Variants in IRF4 observed in about 807,000 individuals in gnomAD.
The protein encoded by IRF4 is interferon regulatory factor 4, also known as lymphocyte-specific interferon regulatory factor.
Under a neutral mutation model 55.5 loss-of-function variants are expected in IRF4, and 13 were observed. That is an observed-to-expected ratio of 0.23 (90% CI 0.15 to 0.37). IRF4 has a LOEUF of 0.37. Among genes scored for constraint, IRF4 ranks in the 10% least tolerant of loss-of-function variants. The pLI is 1.00. For missense variants in IRF4, 397 were observed against 593.8 expected (o/e 0.67, Z 3.44); for synonymous variants, 249 against 240.7 (o/e 1.03, Z -0.32).
chr6:395,114 G>A, intron 3 of IRF4, 107 bp downstream of exon 3: 1 of 854,400 alleles, frequency 1.2e-6, no homozygotes, highest in East Asian at 2.7e-5. Context: ...TGTATTGCCT[G>A]CCTGCCTGCC....
rs1761653854 is a variant in IRF4, at chr6:410,001, T to TA, written c.*2407dup. On this transcript the variant is annotated 3_prime_UTR_variant, in exon 9 of 9. Coordinates refer to ENST00000380956, the MANE Select transcript of IRF4 (RefSeq NM_002460.4). ...TACATCTATGTGTATGTTGACTTTT[T>TA]AAAATTCTGAGTGATCCAGGGTATG... 1 of 228,662 alleles carries TA rather than the reference T, an allele frequency of 4.4e-6. No individual in the cohort carries two copies. The highest frequency in any genetic ancestry group is 8.7e-6 in the Non-Finnish European group (1 of 115,140). 14.2% of individuals were successfully genotyped at this position (228,662 alleles called of 1,614,324 possible).
At position 410,728 on chromosome 6, in the gene IRF4, A is replaced by G. The variant is rs993777617; in HGVS notation, c.*3130A>G. ...TCAGATCCAGTGTAAACTTCCGTTC[A>G]TTGCTCTCCAGTCACATGCCCCCAC... On this transcript the variant is annotated 3_prime_UTR_variant, in exon 9 of 9. Transcript: ENST00000380956. The G allele has an allele frequency of 8.6e-6, 2 of 231,602 alleles. No individual in the cohort carries two copies. Among genetic ancestry groups the G allele is most frequent in the African/African-American group, 4.4e-5 (2 of 45,238 alleles). 14.3% of individuals were successfully genotyped at this position (231,602 alleles called of 1,614,324 possible). A position where few individuals can be genotyped will look rare whatever the true frequency, so the allele number is the denominator to read the frequency against.
At position 407,703 on chromosome 6, in the gene IRF4, A is replaced by G. The variant is rs1474886489; in HGVS notation, c.*105A>G. The G allele has an allele frequency of 1.5e-5, 16 of 1,063,072 alleles. No homozygotes were observed. The highest frequency in any genetic ancestry group is 2.0e-5 in the Non-Finnish European group (15 of 743,498). 65.9% of individuals were successfully genotyped at this position (1,063,072 alleles called of 1,614,324 possible). A position where few individuals can be genotyped will look rare whatever the true frequency, so the allele number is the denominator to read the frequency against. On this transcript the variant is annotated 3_prime_UTR_variant, in exon 9 of 9. Coordinates refer to ENST00000380956, the MANE Select transcript of IRF4 (RefSeq NM_002460.4). ...TCCCAGGCTGGAGTGCAGTGACACA[A>G]TCTCAGCTCACTGTGACCTCCGCCT...
intron 7 of IRF4, among the ~76,000 whole-genome samples, chr6:402,439 G>A (rs1454540806): frequency 5.9e-5 from 9 of 151,876 alleles, no homozygotes; most frequent in South Asian, 2.1e-4. Context: ...GGAGCCTCCC[G>A]CGTGGGAGGG....
Position 393,139 on chromosome 6 carries a change from A to AC in IRF4, c.-13dup. The AC allele has an allele frequency of 3.2e-6, 5 of 1,546,102 alleles. No homozygotes were observed. Among genetic ancestry groups the AC allele is most frequent in the Non-Finnish European group, 4.4e-6 (5 of 1,144,590 alleles). On this transcript the variant is annotated 5_prime_UTR_variant, in exon 2 of 9. Transcript: ENST00000380956. This position sits in a 1 kb window ranked among gnomAD's most constrained non-coding sequence, Gnocchi z 5.4. ...CGGAGGACCCCGGGCGCGGGCGCGG[A>AC]CGGCACGCGGGGCATGAACCTGGAG...
In IRF4 at chr6:398,215, A is replaced by G. The variant is rs963898067; in HGVS notation, c.638-613A>G. ...CTGCTCTGGCTCTATGGAATTAGTA[A>G]CCATGGGAAAGAGGCAATGCTTAGA... On this transcript the variant is annotated intron_variant, in intron 5 of 8. Transcript: ENST00000380956. 3.3e-5 allele frequency among the ~76,000 whole-genome samples: 5 copies of G among 152,238 alleles called. No individual in the cohort carries two copies. In the East Asian group the frequency reaches 9.6e-4, roughly 29 times the overall value.
chr6:403,867 A>G (rs967943896), intron 7 of IRF4, among the ~76,000 whole-genome samples: 14 of 152,088 alleles, frequency 9.2e-5, no homozygotes, highest in Admixed American at 9.2e-4. Context: ...CGCCATTCTG[A>G]TTAGCCTGTG....
At chr6:404,632 A>G in intron 7 of IRF4, among the ~76,000 whole-genome samples, 1 of 152,262 alleles carries the variant, frequency 6.6e-6, no homozygotes, top group Admixed American at 6.5e-5. Flanking sequence ...CTGATTTTTT[A>G]AATGAAAACT....
At position 393,031 on chromosome 6, in the gene IRF4, A is replaced by G. The variant is rs1243116882; in HGVS notation, c.-55-67A>G. On this transcript the variant is annotated intron_variant, in intron 1 of 8. Transcript: ENST00000380956. This position sits in a 1 kb window ranked among gnomAD's most constrained non-coding sequence, Gnocchi z 5.4. The stretch of plus-strand genomic sequence containing the variant: ...TCCGGGGCCTCGTGGTCACTGGCGC[A>G]GGGGATCGGGGCGGGGTGCCCGGAG... 2 of 888,794 alleles carry G rather than the reference A, an allele frequency of 2.3e-6. No homozygotes were observed. Among genetic ancestry groups the G allele is most frequent in the Admixed American group, 2.6e-5 (1 of 37,894 alleles). The allele number at this position is 888,794 out of a possible 1,614,324, so 55.1% of individuals were successfully genotyped here.
Position 410,027 on chromosome 6 carries a change from A to AC in IRF4, c.*2431dup, listed in dbSNP as rs1474606703. The AC allele has an allele frequency of 1.3e-5, 3 of 228,024 alleles. No homozygotes were observed. Among genetic ancestry groups the AC allele is most frequent in the Non-Finnish European group, 2.6e-5 (3 of 114,778 alleles). The allele number at this position is 228,024 out of a possible 1,614,324, so 14.1% of individuals were successfully genotyped here. On this transcript the variant is annotated 3_prime_UTR_variant, in exon 9 of 9. Coordinates refer to ENST00000380956, the MANE Select transcript of IRF4 (RefSeq NM_002460.4). The stretch of plus-strand genomic sequence containing the variant: ...AAAATTCTGAGTGATCCAGGGTATG[A>AC]CCTAGGGAATGAACTAGCTATGAAA...
chr6:401,386 TG>T, intron 6 of IRF4, 37 bp from the exon 7 acceptor site: 1 of 1,529,414 alleles, frequency 6.5e-7, no homozygotes, highest in Non-Finnish European at 8.9e-7. Context: ...GTGGTGTCCT[TG>T]GCCCCCAGCA....
chr6:395,399 A>G (rs1284839981), intron 3 of IRF4, among the ~76,000 whole-genome samples: 1 of 152,220 alleles, frequency 6.6e-6, no homozygotes, highest in Admixed American at 6.5e-5. Context: ...ATCACTATGC[A>G]TGGTAATAAA....
chr6:400,935 G>A (rs541647680), intron 6 of IRF4, among the ~76,000 whole-genome samples: 1 of 152,184 alleles, frequency 6.6e-6, no homozygotes, highest in African/African-American at 2.4e-5. Flanking sequence ...TAAACTTAGG[G>A]TTCATTTCCT....
intron 6 of IRF4, among the ~76,000 whole-genome samples, chr6:399,990 T>C (rs1761357533): frequency 6.6e-6 from 1 of 152,184 alleles, no homozygotes; most frequent in Non-Finnish European, 1.5e-5. Flanking sequence ...AATAAACAGC[T>C]ATTTATATCT....
chr6:407,699 C>A lies in IRF4; in HGVS notation c.*101C>A. 9.0e-7 allele frequency: 1 copy of A among 1,104,986 alleles called. No homozygotes were observed. The allele number at this position is 1,104,986 out of a possible 1,614,324, so 68.4% of individuals were successfully genotyped here. On this transcript the variant is annotated 3_prime_UTR_variant, in exon 9 of 9. Transcript: ENST00000380956. Reference sequence around the variant, plus strand: ...TGTCTCCCAGGCTGGAGTGCAGTGACACAATCTCAGCTCACTGTGACCTCC... The same window carrying A: ...TGTCTCCCAGGCTGGAGTGCAGTGAAACAATCTCAGCTCACTGTGACCTCC...
Position 398,899 on chromosome 6 carries a change from C to A in IRF4, c.709C>A (p.Pro237Thr). 6.2e-7 allele frequency: 1 copy of A among 1,613,266 alleles called. No homozygotes were observed. Residue 237 changes from proline to threonine, a missense_variant, in exon 6 of 9, where the codon CCA (proline) becomes ACA (threonine). Physicochemically the swap from Pro to Thr is conservative, Grantham distance 38. This residue lies in a region of IRF4 where 341 missense variants were observed against 548.1 expected (regional missense o/e 0.62). Coordinates refer to ENST00000380956, the MANE Select transcript of IRF4 (RefSeq NM_002460.4). Reference protein sequence around the residue: ...ESQAPGVPTEPSIRSAEALAF... With the variant: ...ESQAPGVPTETSIRSAEALAF... ...CCAGGCTCCCGGAGTCCCCACAGAGCCAAGCATAAGGTCTGCCGAAGCCTT... is the reference window on the plus strand; with the variant it reads ...CCAGGCTCCCGGAGTCCCCACAGAGACAAGCATAAGGTCTGCCGAAGCCTT...
chr6:407,951 C>T lies in IRF4; in HGVS notation c.*353C>T. On this transcript the variant is annotated 3_prime_UTR_variant, in exon 9 of 9. Coordinates refer to ENST00000380956, the MANE Select transcript of IRF4 (RefSeq NM_002460.4). Reference sequence around the variant, plus strand: ...CGAGACAAGCATGGAAAATCAGTGACATCTGATTGGCAGATGAGCTTATTT... The same window carrying T: ...CGAGACAAGCATGGAAAATCAGTGATATCTGATTGGCAGATGAGCTTATTT... 1 of 313,462 alleles carries T rather than the reference C, an allele frequency of 3.2e-6. No individual in the cohort carries two copies. The highest frequency in any genetic ancestry group is 5.8e-5 in the South Asian group (1 of 17,124). The allele number at this position is 313,462 out of a possible 1,614,324, so 19.4% of individuals were successfully genotyped here.
At chr6:395,664 A>G (rs1390665613) in intron 3 of IRF4, among the ~76,000 whole-genome samples, 183 bp from the exon 4 acceptor site, 2 of 152,242 alleles carry the variant, frequency 1.3e-5, no homozygotes, top group Non-Finnish European at 2.9e-5. Flanking sequence ...TTGTAGAAAA[A>G]AATCAGTTTA....
chr6:395,854 G>A lies in IRF4; in HGVS notation c.411G>A (p.Lys137=), dbSNP rs780187356. The A allele has an allele frequency of 6.2e-7, 1 of 1,613,330 alleles. No homozygotes were observed. ...TTTTCCCCAAACATGTAGGAGCCAA[G>A]CAGCTCACCCTGGAGGACCCGCAGA... ...IVPEGAKKGA[K]QLTLEDPQMS... The change falls in exon 4 of 9, where the codon AAG becomes AAA. Residue 137 remains lysine (K), a synonymous_variant. Coordinates refer to ENST00000380956, the MANE Select transcript of IRF4 (RefSeq NM_002460.4).
Sources: allele counts gnomAD v4.1 joint callset (sites outside exome capture counted in the v4.1 genomes callset), GRCh38; gene constraint gnomAD v4.1.1; regional missense constraint gnomAD v4.1.1; non-coding constraint Gnocchi (gnomAD v3.1); transcripts MANE v1.5; gene names NCBI Gene and HGNC (gene_info 2026-07-23, HGNC 2026-07-21).